Variants in FUBP1 observed in about 807,000 individuals in gnomAD.
The protein encoded by FUBP1 is far upstream element-binding protein 1.
In FUBP1, 16 loss-of-function variants were observed where a neutral mutation model predicts 94.9. The ratio of observed to expected loss-of-function variants is 0.17; its 90% CI spans 0.11 to 0.26. The LOEUF is 0.26. Ranked by LOEUF, FUBP1 falls within the 10% of genes least tolerant of loss-of-function variation. The probability of loss-of-function intolerance (pLI) is 1.00; values close to 1 mark genes in which losing one functional copy is unlikely to be tolerated. For missense variants in FUBP1, 583 were observed against 808.6 expected, an observed-to-expected ratio of 0.72 and a Z score of 3.38; for synonymous variants, 279 against 254.9, an observed-to-expected ratio of 1.09 and a Z score of -0.90.
chr1:77,958,212 C>G (rs1197837524), intron 16 of FUBP1, among the ~76,000 whole-genome samples: 2 of 152,172 alleles, frequency 1.3e-5, no homozygotes, highest in South Asian at 2.1e-4. Flanking sequence ...GAAAACCATA[C>G]CAAAAAACCA....
intron 1 of FUBP1, among the ~76,000 whole-genome samples, chr1:77,970,550 A>G (rs1657328813): frequency 6.6e-6 from 1 of 152,212 alleles, no homozygotes; most frequent in African/African-American, 2.4e-5. Context: ...AAAGGGGGTA[A>G]TATTTTGGAT....
chr1:77,969,867 G>A, intron 2 of FUBP1, 58 bp downstream of exon 2: 2 of 728,212 alleles, frequency 2.7e-6, no homozygotes, highest in East Asian at 5.4e-5. Flanking sequence ...AAAATACCGA[G>A]AATCACTTCA....
At position 77,944,486 on chromosome 1, in the gene FUBP1, A is replaced by T. The variant is rs978527451; in HGVS notation, c.*4280T>A. On this transcript the variant is annotated 3_prime_UTR_variant, in exon 20 of 20. Coordinates refer to ENST00000370768, the MANE Select transcript of FUBP1 (RefSeq NM_003902.5). Reference sequence around the variant, plus strand: ...AAATGAAGTCACTAACTCAACAAAAAATAAGGTAACTTTCAGAGCCAAAAT... The same window carrying T: ...AAATGAAGTCACTAACTCAACAAAATATAAGGTAACTTTCAGAGCCAAAAT... 1.3e-5 allele frequency among the ~76,000 whole-genome samples: 2 copies of T among 151,944 alleles called. No individual in the cohort carries two copies. Among genetic ancestry groups the T allele is most frequent in the Non-Finnish European group, 1.5e-5 (1 of 67,862 alleles).
chr1:77,959,014 C>T (rs920175061), intron 16 of FUBP1, among the ~76,000 whole-genome samples: 2 of 152,168 alleles, frequency 1.3e-5, no homozygotes, highest in African/African-American at 4.8e-5. Context: ...ACACCTATAT[C>T]CTAGCACAAC....
chr1:77,978,060 T>C (rs1416926563), intron 1 of FUBP1, among the ~76,000 whole-genome samples: 1 of 152,246 alleles, frequency 6.6e-6, no homozygotes, highest in African/African-American at 2.4e-5. Flanking sequence ...TGCAAATCTA[T>C]ACCAACACCA....
chr1:77,974,226 C>G (rs529380593), intron 1 of FUBP1, among the ~76,000 whole-genome samples: 3 of 151,162 alleles, frequency 2.0e-5, no homozygotes, highest in South Asian at 4.2e-4. Flanking sequence ...AGCTCCACCT[C>G]CCGGGTTCAC....
At position 77,963,636 on chromosome 1, in the gene FUBP1, C is replaced by G. The variant is rs760816471; in HGVS notation, c.1121G>C (p.Gly374Ala). Reference sequence around the variant, plus strand: ...AATAAAATTAAATTCCTGTAGTCCACCAGGTGGTCCCATGTTCCAGTTGCC... The same window carrying G: ...AATAAAATTAAATTCCTGTAGTCCAGCAGGTGGTCCCATGTTCCAGTTGCC... ...GQGNWNMGPP[G>A]GLQEFNFIVP... Residue 374 changes from glycine to alanine, a missense_variant, in exon 13 of 20, where the codon GGT (glycine) becomes GCT (alanine). Coordinates refer to ENST00000370768, the MANE Select transcript of FUBP1 (RefSeq NM_003902.5). 2 of 1,599,680 alleles carry G rather than the reference C, an allele frequency of 1.3e-6. No homozygotes were observed. Among genetic ancestry groups the G allele is most frequent in the African/African-American group, 2.7e-5 (2 of 74,666 alleles).
In FUBP1 at chr1:77,956,773, C is replaced by T. The variant is rs535619112; in HGVS notation, c.1577-73G>A. 4.8e-5 allele frequency: 52 copies of T among 1,085,430 alleles called. No homozygotes were observed. In the South Asian group the frequency reaches 6.3e-4, roughly 13 times the overall value. The allele number at this position is 1,085,430 out of a possible 1,614,324, so 67.2% of individuals were successfully genotyped here. A position where few individuals can be genotyped will look rare whatever the true frequency, so the allele number is the denominator to read the frequency against. ...CTCTCACACACACACACACCACCCC[C>T]CCGCCCAGCTCTCTGGCAAATATAC... is the stretch of plus-strand genomic sequence containing the variant. On this transcript the variant is annotated intron_variant, in intron 16 of 19. Transcript: ENST00000370768.
In FUBP1 at chr1:77,948,438, C is replaced by T; in HGVS notation, c.*328G>A. On this transcript the variant is annotated 3_prime_UTR_variant, in exon 20 of 20. Coordinates refer to ENST00000370768, the MANE Select transcript of FUBP1 (RefSeq NM_003902.5). Reference sequence around the variant, plus strand: ...ATATCATTTATTGTAAAGCACAAAACAGGCATTTTAAAAGTGAAAGTATAC... The same window carrying T: ...ATATCATTTATTGTAAAGCACAAAATAGGCATTTTAAAAGTGAAAGTATAC... The T allele has an allele frequency of 8.9e-7, 1 of 1,128,764 alleles. No homozygotes were observed. Among genetic ancestry groups the T allele is most frequent in the Non-Finnish European group, 1.1e-6 (1 of 919,682 alleles). The allele number at this position is 1,128,764 out of a possible 1,614,324, so 69.9% of individuals were successfully genotyped here. A position where few individuals can be genotyped will look rare whatever the true frequency, so the allele number is the denominator to read the frequency against.
chr1:77,952,890 C>T (rs974147671), intron 18 of FUBP1, among the ~76,000 whole-genome samples: 1 of 152,176 alleles, frequency 6.6e-6, no homozygotes. Flanking sequence ...GTAATCCCAA[C>T]ACTTTGCGAG....
intron 18 of FUBP1, among the ~76,000 whole-genome samples, chr1:77,952,691 T>C (rs1485290126): frequency 1.2e-4 from 19 of 152,214 alleles, no homozygotes. Context: ...AAGATCCTGA[T>C]GACAGGTAAG....
Position 77,946,377 on chromosome 1 carries a change from A to G in FUBP1, c.*2389T>C, listed in dbSNP as rs750228717. ...GTAAACAGTTGCTTTAACAACTTACAGACTTTCCACTAAGATGGTAGCATA... is the reference window on the plus strand; with the variant it reads ...GTAAACAGTTGCTTTAACAACTTACGGACTTTCCACTAAGATGGTAGCATA... On this transcript the variant is annotated 3_prime_UTR_variant, in exon 20 of 20. Coordinates refer to ENST00000370768, the MANE Select transcript of FUBP1 (RefSeq NM_003902.5). The G allele has an allele frequency of 3.1e-5, 6 of 195,762 alleles. No homozygotes were observed. Among genetic ancestry groups the G allele is most frequent in the Non-Finnish European group, 6.4e-5 (6 of 93,956 alleles). The allele number at this position is 195,762 out of a possible 1,614,324, so 12.1% of individuals were successfully genotyped here. A position where few individuals can be genotyped will look rare whatever the true frequency, so the allele number is the denominator to read the frequency against.
chr1:77,974,822 C>T (rs1233278518), intron 1 of FUBP1, among the ~76,000 whole-genome samples: 1 of 152,126 alleles, frequency 6.6e-6, no homozygotes, highest in African/African-American at 2.4e-5. Context: ...TTGTAGTTTA[C>T]TTAATTAACT....
intron 14 of FUBP1, among the ~76,000 whole-genome samples, chr1:77,961,014 A>T (rs1386411946): frequency 1.3e-5 from 2 of 152,234 alleles, no homozygotes; most frequent in South Asian, 2.1e-4. Context: ...CTCACAACCT[A>T]TTTCTGTCAC....
Position 77,949,284 on chromosome 1 carries a change from A to G in FUBP1, c.1797T>C (p.Ala599=). The G allele has an allele frequency of 6.2e-7, 1 of 1,613,798 alleles. No individual in the cohort carries two copies. Among genetic ancestry groups the G allele is most frequent in the Non-Finnish European group, 8.5e-7 (1 of 1,179,702 alleles). ...GACCACCTGGAGGAGCCCCAGTCGG[A>G]GCAGGAACTGCCTGACCTTTGAAAA... ...YYKKMGQAVP[A]PTGAPPGGQP... Residue 599 remains alanine, a synonymous_variant, in exon 19 of 20, where the codon GCT becomes GCC. Coordinates refer to ENST00000370768, the MANE Select transcript of FUBP1 (RefSeq NM_003902.5).
intron 6 of FUBP1, 65 bp downstream of exon 6, chr1:77,966,819 G>C (rs3736909): frequency 0.2 from 244,779 of 1,202,340 alleles, 31,289 homozygotes; most frequent in African/African-American, 0.51. Context: ...TTACTAGAAG[G>C]CTTAAAAAAA....
intron 1 of FUBP1, among the ~76,000 whole-genome samples, chr1:77,971,041 A>G (rs1657427429): frequency 6.6e-6 from 1 of 151,918 alleles, no homozygotes; most frequent in Non-Finnish European, 1.5e-5. Flanking sequence ...CAAACAAAAC[A>G]AAACAAAAAA....
At chr1:77,970,349 C>T (rs1657290785) in intron 1 of FUBP1, among the ~76,000 whole-genome samples, 1 of 152,052 alleles carries the variant, frequency 6.6e-6, no homozygotes. Context: ...TGTGTAAACA[C>T]ATAGAATGTG....
At position 77,963,675 on chromosome 1, in the gene FUBP1, C is replaced by A; in HGVS notation, c.1082G>T (p.Arg361Ile). ...GTTCCAGTTGCCTTGACCTCTACCT[C>A]TTCCTCGACCACCAGGTCCAGGTCC... ...PGGPGPGGRG[R>I]GRGQGNWNMG... Residue 361 changes from arginine to isoleucine, a missense_variant, in exon 13 of 20, where the codon AGA becomes ATA. Physicochemically the swap from Arg to Ile is moderately conservative, Grantham distance 97. Transcript: ENST00000370768. 2 of 1,611,632 alleles carry A rather than the reference C, an allele frequency of 1.2e-6. No homozygotes were observed. The highest frequency in any genetic ancestry group is 1.7e-6 in the Non-Finnish European group (2 of 1,177,774).
Sources: allele counts gnomAD v4.1 joint callset (sites outside exome capture counted in the v4.1 genomes callset), GRCh38; gene constraint gnomAD v4.1.1; transcripts MANE v1.5; gene names NCBI Gene and HGNC (gene_info 2026-07-23, HGNC 2026-07-21).